ZNF440: variants seen among roughly 807,000 people sequenced by gnomAD.
The protein encoded by ZNF440 is zinc finger protein 440.
A neutral mutation model predicts 49.7 loss-of-function variants in ZNF440; 47 were observed. That is an observed-to-expected ratio of 0.95 (90% CI 0.75 to 1.21). The LOEUF is 1.21. Among genes scored for constraint, ZNF440 ranks in the 50% most tolerant of loss-of-function variants. ZNF440 has a pLI of 0.00. For synonymous variants in ZNF440, 255 were observed against 237.7 expected, an observed-to-expected ratio of 1.07 and a Z score of -0.67; for missense variants, 703 against 715.0, an observed-to-expected ratio of 0.98 and a Z score of 0.19.
chr19:11,819,226 A>G (rs190323387), intron 1 of ZNF440, among the ~76,000 whole-genome samples: 18 of 152,276 alleles, frequency 1.2e-4, no homozygotes, highest in Non-Finnish European at 1.0e-4. Flanking sequence ...TCAGTCATTT[A>G]CAACATTTTA....
Position 11,830,720 on chromosome 19 carries a change from T to C in ZNF440, c.191+43T>C, listed in dbSNP as rs186012652. ...GACAAAGCAGTGTCTCTCTAGACAA[T>C]CTTAGAATATGACAATATATTAAAA... On this transcript the variant is annotated intron_variant, in intron 3 of 3. Transcript: ENST00000304060. 2.9e-3 allele frequency: 4,572 copies of C among 1,578,708 alleles called. 9 individuals carry two copies. Among genetic ancestry groups the C allele is most frequent in the Non-Finnish European group, 3.5e-3 (4,007 of 1,159,190 alleles).
intron 1 of ZNF440, among the ~76,000 whole-genome samples, chr19:11,823,796 C>G (rs1318455866): frequency 6.6e-6 from 1 of 152,010 alleles, no homozygotes; most frequent in Admixed American, 6.6e-5. Context: ...AACCCTGTCT[C>G]TACTAAAAAT....
rs776865856 is a variant in ZNF440 at position 11,831,458 on chromosome 19, C to G, written c.282C>G (p.Phe94Leu). 3.7e-6 allele frequency: 6 copies of G among 1,613,914 alleles called. No homozygotes were observed. In the South Asian group the frequency reaches 4.4e-5, roughly 12 times the overall value. The stretch of plus-strand genomic sequence containing the variant: ...CAGTTCCAGATGACAGACTGAACTT[C>G]CAGGAGAAGAAAGCTTCTCCTGAAG... ...FTPVPDDRLN[F>L]QEKKASPEVK... Residue 94 changes from phenylalanine (F) to leucine (L), a missense_variant, in exon 4 of 4, where the codon TTC (phenylalanine) becomes TTG (leucine). Phe to Leu is a conservative substitution (Grantham distance 22). Transcript: ENST00000304060.
At chr19:11,826,142 A>G (rs527880307) in intron 1 of ZNF440, among the ~76,000 whole-genome samples, 4 of 152,242 alleles carry the variant, frequency 2.6e-5, no homozygotes, top group African/African-American at 9.6e-5. Context: ...TCACTGAATA[A>G]CATTCTATTG....
intron 1 of ZNF440, 75 bp from the exon 2 acceptor site, chr19:11,830,208 T>G: frequency 6.3e-7 from 1 of 1,591,014 alleles, no homozygotes; most frequent in Non-Finnish European, 8.5e-7. Flanking sequence ...TCCTGAGAAC[T>G]TCTTGGGAAT....
At chr19:11,824,939 C>T (rs1460660639) in intron 1 of ZNF440, among the ~76,000 whole-genome samples, 4 of 151,854 alleles carry the variant, frequency 2.6e-5, no homozygotes, top group African/African-American at 9.7e-5. Flanking sequence ...AAACTCCTGA[C>T]CTTGTGATTC....
intron 1 of ZNF440, among the ~76,000 whole-genome samples, chr19:11,819,342 A>G (rs1018145119): frequency 6.6e-6 from 1 of 152,136 alleles, no homozygotes; most frequent in Admixed American, 6.6e-5. Context: ...CCATGATCAC[A>G]TTGCTTAAAG....
chr19:11,832,046 A>G lies in ZNF440; in HGVS notation c.870A>G (p.Gly290=), dbSNP rs752558985. The G allele has an allele frequency of 6.2e-7, 1 of 1,614,094 alleles. No homozygotes were observed. The highest frequency in any genetic ancestry group is 2.2e-5 in the East Asian group (1 of 44,874). Residue 290 remains glycine, a synonymous_variant, in exon 4 of 4, where the codon GGA becomes GGG. Coordinates refer to ENST00000304060, the MANE Select transcript of ZNF440 (RefSeq NM_152357.3). ...AGGCTTATCAATGTAAGGAATGTGGAAAAGCATTCACGTGTCCCCGTTATG... is the reference window on the plus strand; with the variant it reads ...AGGCTTATCAATGTAAGGAATGTGGGAAAGCATTCACGTGTCCCCGTTATG... ...GEKAYQCKEC[G]KAFTCPRYVR...
chr19:11,824,706 CT>C (rs71166634), intron 1 of ZNF440, among the ~76,000 whole-genome samples: 1,442 of 120,490 alleles, frequency 0.012, 12 homozygotes, highest in African/African-American at 0.038. Flanking sequence ...CCCCACCACC[CT>C]TTTTTTTTTT....
chr19:11,823,356 A>AC lies in ZNF440; in HGVS notation c.4-6920dup, dbSNP rs1044029615. ...GTGATGCAAATATTCATGCCGTAAC[A>AC]CCCCCCCAACCATACTCTATAGAGC... On this transcript the variant is annotated intron_variant, in intron 1 of 3. Coordinates refer to ENST00000304060, the MANE Select transcript of ZNF440 (RefSeq NM_152357.3). 4.6e-5 allele frequency among the ~76,000 whole-genome samples: 7 copies of AC among 151,514 alleles called. No homozygotes were observed. In the South Asian group the frequency reaches 8.4e-4, roughly 18 times the overall value.
intron 1 of ZNF440, among the ~76,000 whole-genome samples, chr19:11,822,716 A>G (rs867872428): frequency 6.6e-5 from 10 of 152,050 alleles, no homozygotes; most frequent in Non-Finnish European, 2.9e-5. Flanking sequence ...GCGTGGTGGT[A>G]CATGGCTGTA....
At chr19:11,815,933 A>C (rs921594060) in intron 1 of ZNF440, 1 of 152,274 alleles carries the variant, frequency 6.6e-6, no homozygotes, top group Non-Finnish European at 1.5e-5. Context: ...AGAAACACCC[A>C]GTCCTGGCTT....
rs200705543 is a variant in ZNF440, at chr19:11,832,410, C to T, written c.1234C>T (p.Arg412Ter). 4.0e-3 allele frequency: 6,361 copies of T among 1,608,478 alleles called. 25 individuals are homozygous for T. The highest frequency in any genetic ancestry group is 5.2e-3 in the South Asian group (471 of 90,616). Residue 412 changes from arginine to a stop codon, truncating the protein, a stop_gained, in exon 4 of 4, where the codon CGA becomes TGA. Transcript: ENST00000304060. LOFTEE classifies it high-confidence loss of function. ...AGCCTTCAGATCTGCCTCACACCTT[C>T]GAGTGCATGGTAGGACTCACACTGG... The part of the protein sequence containing the change: ...GKAFRSASHL[R>*]VHGRTHTGEK...
At position 11,825,811 on chromosome 19, in the gene ZNF440, T is replaced by C. The variant is rs1471505256; in HGVS notation, c.4-4472T>C. On this transcript the variant is annotated intron_variant, in intron 1 of 3. Coordinates refer to ENST00000304060, the MANE Select transcript of ZNF440 (RefSeq NM_152357.3). ...ATTTTCTTTTTTTTTTCTTTTCTTTTCTTTTCTTTTTTTTTTTTTTTGAGA... is the reference window on the plus strand; with the variant it reads ...ATTTTCTTTTTTTTTTCTTTTCTTTCCTTTTCTTTTTTTTTTTTTTTGAGA... Among the ~76,000 whole-genome samples the C allele has an allele frequency of 8.2e-4, 114 of 139,158 alleles. 1 individual carries two copies. The highest frequency in any genetic ancestry group is 3.2e-3 in the African/African-American group (112 of 35,340). 91.3% of individuals were successfully genotyped at this position (139,158 alleles called of 152,430 possible). A position where few individuals can be genotyped will look rare whatever the true frequency, so the allele number is the denominator to read the frequency against.
Position 11,833,914 on chromosome 19 carries a change from C to A in ZNF440, c.*950C>A. On this transcript the variant is annotated 3_prime_UTR_variant, in exon 4 of 4. Coordinates refer to ENST00000304060, the MANE Select transcript of ZNF440 (RefSeq NM_152357.3). ...GTAAACAATTAACTGTTTATAATAA[C>A]TGTATACTAACAAATGATATTCTTT... 3.1e-6 allele frequency: 1 copy of A among 320,068 alleles called. No homozygotes were observed. The highest frequency in any genetic ancestry group is 6.0e-6 in the Non-Finnish European group (1 of 167,684). 19.8% of individuals were successfully genotyped at this position (320,068 alleles called of 1,614,324 possible).
intron 1 of ZNF440, among the ~76,000 whole-genome samples, chr19:11,823,799 C>T (rs764588408): frequency 9.2e-5 from 14 of 151,924 alleles, no homozygotes; most frequent in South Asian, 6.2e-4. Flanking sequence ...CCTGTCTCTA[C>T]TAAAAATACA....
At chr19:11,827,843 G>A (rs418266) in intron 1 of ZNF440, among the ~76,000 whole-genome samples, 57,576 of 151,596 alleles carry the variant, frequency 0.38, 11,314 homozygotes, top group African/African-American at 0.46. Context: ...CTCGAACTGC[G>A]GGGCTCAAAT....
At position 11,831,895 on chromosome 19, in the gene ZNF440, C is replaced by G; in HGVS notation, c.719C>G (p.Ser240Cys). The G allele has an allele frequency of 6.2e-7, 1 of 1,613,822 alleles. No individual in the cohort carries two copies. The highest frequency in any genetic ancestry group is 8.5e-7 in the Non-Finnish European group (1 of 1,179,898). Residue 240 changes from serine to cysteine, a missense_variant, in exon 4 of 4, where the codon TCT becomes TGT. Transcript: ENST00000304060. ...CAGTGTGGTAAATCCTTTAGTTATT[C>G]TGCTACCCATCGAATACATAAAAGA... The part of the protein sequence containing the change: ...CKQCGKSFSY[S>C]ATHRIHKRTH...
chr19:11,830,461 A>G (rs1975922319), intron 2 of ZNF440, 52 bp downstream of exon 2: 1 of 1,610,650 alleles, frequency 6.2e-7, no homozygotes, highest in Non-Finnish European at 8.5e-7. Flanking sequence ...CAGTGTTTCT[A>G]GCTCATTAAT....
Sources: allele counts gnomAD v4.1 joint callset (sites outside exome capture counted in the v4.1 genomes callset), GRCh38; gene constraint gnomAD v4.1.1; transcripts MANE v1.5; gene names NCBI Gene and HGNC (gene_info 2026-07-23, HGNC 2026-07-21).